Variants in RDX observed in about 807,000 individuals in gnomAD.
RDX encodes radixin.
In RDX, 32 loss-of-function variants were observed where a neutral mutation model predicts 83.7. That is an observed-to-expected ratio of 0.38 (90% CI 0.29 to 0.51). The LOEUF (loss-of-function observed/expected upper bound fraction) is 0.51. RDX is among the 20% of genes least tolerant of loss of function. The pLI is 0.87. For synonymous variants in RDX, 229 were observed against 222.7 expected, an observed-to-expected ratio of 1.03 and a Z score of -0.25; for missense variants, 600 against 689.9, an observed-to-expected ratio of 0.87 and a Z score of 1.46.
At chr11:110,184,017 A>C (rs1399313825) in intron 15 of RDX, among the ~76,000 whole-genome samples, 3 of 152,162 alleles carry the variant, frequency 2.0e-5, no homozygotes, top group Non-Finnish European at 4.4e-5. Flanking sequence ...ACACACACCC[A>C]AATCTCAGCA....
At chr11:110,207,980 G>T (rs1465289718) in intron 14 of RDX, among the ~76,000 whole-genome samples, 1 of 130,724 alleles carries the variant, frequency 7.6e-6, no homozygotes, top group Non-Finnish European at 1.6e-5. Flanking sequence ...TAAGGAAGTT[G>T]AATCAGATTT....
chr11:110,188,758 T>A (rs145322883), intron 15 of RDX, among the ~76,000 whole-genome samples: 2,527 of 152,206 alleles, frequency 0.017, 88 homozygotes, highest in African/African-American at 0.056. Context: ...CTAAGCTTCA[T>A]AAGCAAAGAA....
At chr11:110,189,271 C>T (rs898961350) in intron 15 of RDX, among the ~76,000 whole-genome samples, 1 of 72,454 alleles carries the variant, frequency 1.4e-5, no homozygotes, top group African/African-American at 4.7e-5. Context: ...AAAAAAAAGA[C>T]AAGGGCATTA....
At chr11:110,239,534 C>T (rs1244082364) in intron 10 of RDX, among the ~76,000 whole-genome samples, 1 of 152,178 alleles carries the variant, frequency 6.6e-6, no homozygotes, top group African/African-American at 2.4e-5. Flanking sequence ...TCTGAACTGA[C>T]ATTTCTCAAA....
chr11:110,226,200 C>T (rs886209667), downstream of RDX, among the ~76,000 whole-genome samples: 3 of 152,000 alleles, frequency 2.0e-5, no homozygotes, highest in African/African-American at 7.3e-5. Context: ...CAGCAATATT[C>T]AGAGTAGTCA....
intron 3 of RDX, among the ~76,000 whole-genome samples, chr11:110,269,830 A>C (rs1860225416): frequency 6.6e-6 from 1 of 151,978 alleles, no homozygotes; most frequent in South Asian, 2.1e-4. Flanking sequence ...TTGAGCTCAG[A>C]AGTTCAAGAC....
chr11:110,272,559 T>C lies in RDX; in HGVS notation c.73A>G (p.Thr25Ala). ...ELEFAIQPNTTGKQLFDQVVK... is the reference protein window; with the variant it reads ...ELEFAIQPNTAGKQLFDQVVK... Reference sequence around the variant, plus strand: ...ACCTGGTCAAAAAGTTGTTTGCCAGTTGTATTGGGCTGAATGGCAAATTCC... The same window carrying C: ...ACCTGGTCAAAAAGTTGTTTGCCAGCTGTATTGGGCTGAATGGCAAATTCC... Residue 25 changes from threonine to alanine, a missense_variant, in exon 3 of 14, where the codon ACT (threonine) becomes GCT (alanine). By Grantham distance (58) the Thr-to-Ala change is moderately conservative. Coordinates refer to ENST00000645495, the MANE Select transcript of RDX (RefSeq NM_002906.4). The C allele has an allele frequency of 1.2e-6, 2 of 1,612,072 alleles. No homozygotes were observed. Among genetic ancestry groups the C allele is most frequent in the African/African-American group, 2.7e-5 (2 of 75,004 alleles).
chr11:110,192,441 A>G (rs1481969033), intron 15 of RDX, among the ~76,000 whole-genome samples: 3 of 152,174 alleles, frequency 2.0e-5, no homozygotes, highest in Admixed American at 2.0e-4. Flanking sequence ...ATTCTAGAAG[A>G]AAACCTGGCC....
chr11:110,292,292 T>TG (rs1271580404), intron 1 of RDX, among the ~76,000 whole-genome samples: 2 of 147,370 alleles, frequency 1.4e-5, no homozygotes, highest in East Asian at 2.0e-4. Context: ...GACCCTGTCT[T>TG]GGAAAAAAAA....
At chr11:110,216,547 T>TG (rs970473819) in intron 14 of RDX, among the ~76,000 whole-genome samples, 1 of 149,484 alleles carries the variant, frequency 6.7e-6, no homozygotes, top group Admixed American at 6.7e-5. Flanking sequence ...TTTTCTTTTT[T>TG]TTTTTTTTTA....
At position 110,258,200 on chromosome 11, in the gene RDX, C is replaced by CAA. The variant is rs368429159; in HGVS notation, c.468-13_468-12dup. ...TGTTGTTCCAATACACTAAGAGGAC[C>CAA]AAAAAAAAAAAAAAATTATAATGAC... On this transcript the variant is annotated splice_polypyrimidine_tract_variant and intron_variant, in intron 5 of 13. Coordinates refer to ENST00000645495, the MANE Select transcript of RDX (RefSeq NM_002906.4). 954 of 1,220,436 alleles carry CAA rather than the reference C, an allele frequency of 7.8e-4. No individual in the cohort carries two copies. The highest frequency in any genetic ancestry group is 8.6e-4 in the Admixed American group (35 of 40,838). The allele number at this position is 1,220,436 out of a possible 1,614,324, so 75.6% of individuals were successfully genotyped here.
In RDX at chr11:110,239,981, G is replaced by A. The variant is rs1052736386; in HGVS notation, c.1091-2329C>T. Among the ~76,000 whole-genome samples the A allele has an allele frequency of 3.3e-5, 5 of 152,054 alleles. No homozygotes were observed. In the South Asian group the frequency reaches 8.3e-4, roughly 25 times the overall value. ...AGAGTCCTCAAAAAACTAAAACTAC[G>A]GAATTACCATAGTATCCAGCAATAT... On this transcript the variant is annotated intron_variant, in intron 10 of 13. Coordinates refer to ENST00000645495, the MANE Select transcript of RDX (RefSeq NM_002906.4).
rs11820205 is a variant in RDX at position 110,260,145 on chromosome 11, C to A, written c.468-1956G>T. ...AGGATTACAGGCATGCACCACCACG[C>A]CCGGCTAATTTTGTATTTTTAGTAG... On this transcript the variant is annotated intron_variant, in intron 5 of 13. Coordinates refer to ENST00000645495, the MANE Select transcript of RDX (RefSeq NM_002906.4). Among the ~76,000 whole-genome samples the A allele has an allele frequency of 9.4e-3, 1,428 of 152,094 alleles. 31 individuals are homozygous for A. Among genetic ancestry groups the A allele is most frequent in the African/African-American group, 0.033 (1,358 of 41,490 alleles).
intron 3 of RDX, among the ~76,000 whole-genome samples, chr11:110,271,298 C>T (rs1860301957): frequency 6.6e-6 from 1 of 152,172 alleles, no homozygotes; most frequent in Admixed American, 6.5e-5. Flanking sequence ...TCTAGTGTTA[C>T]TTACTGCTGA....
At chr11:110,245,099 G>C (rs1283855693) in intron 10 of RDX, among the ~76,000 whole-genome samples, 3 of 151,814 alleles carry the variant, frequency 2.0e-5, no homozygotes, top group African/African-American at 7.3e-5. Context: ...CTAGTAGCTG[G>C]GATTACAGGC....
Position 110,272,359 on chromosome 11 carries a change from T to C in RDX, c.96+177A>G, listed in dbSNP as rs112322947. Among the ~76,000 whole-genome samples, 136 of 152,294 alleles carry C rather than the reference T, an allele frequency of 8.9e-4. 1 individual carries two copies. Among genetic ancestry groups the C allele is most frequent in the African/African-American group, 3.2e-3 (132 of 41,570 alleles). On this transcript the variant is annotated intron_variant, in intron 3 of 13. Transcript: ENST00000645495. ...GTCCTCTCCCACAAATGTAGGAATG[T>C]GAAAGAATAAAGAATATCCCTACTG...
intron 3 of RDX, among the ~76,000 whole-genome samples, chr11:110,265,519 T>G (rs990393617): frequency 7.1e-6 from 1 of 141,154 alleles, no homozygotes; most frequent in African/African-American, 2.6e-5. Context: ...TATATATATA[T>G]AGTTTTCATA....
chr11:110,250,510 T>C (rs1461819077), intron 9 of RDX, among the ~76,000 whole-genome samples: 1 of 152,158 alleles, frequency 6.6e-6, no homozygotes, highest in Non-Finnish European at 1.5e-5. Flanking sequence ...TACCATCATA[T>C]TCCACCAACT....
chr11:110,221,243 T>C (rs1864235540), intron 14 of RDX, among the ~76,000 whole-genome samples: 1 of 152,158 alleles, frequency 6.6e-6, no homozygotes. Context: ...ATTAGTACTT[T>C]TGAGACAAAT....
Sources: allele counts gnomAD v4.1 joint callset (sites outside exome capture counted in the v4.1 genomes callset), GRCh38; gene constraint gnomAD v4.1.1; transcripts MANE v1.5; gene names NCBI Gene and HGNC (gene_info 2026-07-23, HGNC 2026-07-21).